The following GRM7 variants were observed in gnomAD, a reference collection of about 807,000 sequenced individuals.
GRM7 encodes glutamate metabotropic receptor 7, also known as metabotropic glutamate receptor 7.
A neutral mutation model predicts 84.5 loss-of-function variants in GRM7; 35 were observed. The observed-to-expected ratio is 0.41, with a 90% CI of 0.32 to 0.55. The LOEUF (loss-of-function observed/expected upper bound fraction) is 0.55. Among genes scored for constraint, GRM7 ranks in the 20% least tolerant of loss-of-function variants. GRM7 has a pLI of 0.19. For synonymous variants in GRM7, 487 were observed against 455.1 expected (o/e 1.07, Z -0.89); for missense variants, 1,003 against 1,194.6 (o/e 0.84, Z 2.36).
At position 7,459,904 on chromosome 3, in the gene GRM7, T is replaced by G. The variant is rs1256958179; in HGVS notation, c.1376-1679T>G. Among the ~76,000 whole-genome samples the G allele has an allele frequency of 2.0e-5, 3 of 151,854 alleles. No individual in the cohort carries two copies. In the East Asian group the frequency reaches 5.8e-4, roughly 29 times the overall value. ...CCAGGAGCAGAGTAAGCCACTCAAGTGGTTCAGGTTATACAGCCTTGTTTG... is the reference window on the plus strand; with the variant it reads ...CCAGGAGCAGAGTAAGCCACTCAAGGGGTTCAGGTTATACAGCCTTGTTTG... On this transcript the variant is annotated intron_variant, in intron 6 of 9. Transcript: ENST00000357716.
intron 1 of GRM7, among the ~76,000 whole-genome samples, chr3:6,971,656 T>A (rs1348830994): frequency 6.6e-6 from 1 of 152,332 alleles, no homozygotes; most frequent in East Asian, 1.9e-4. Flanking sequence ...GAATATCAAC[T>A]ACTATTCAGG....
At chr3:7,361,191 GC>G (rs1450626593) in intron 4 of GRM7, among the ~76,000 whole-genome samples, 2 of 152,034 alleles carry the variant, frequency 1.3e-5, no homozygotes, top group Non-Finnish European at 2.9e-5. Context: ...ATTCCAAAAA[GC>G]CATGTTAGAT....
chr3:7,103,614 C>T (rs1020886635), intron 1 of GRM7, among the ~76,000 whole-genome samples: 7 of 151,692 alleles, frequency 4.6e-5, no homozygotes, highest in East Asian at 1.9e-4. Flanking sequence ...TGTCTAACAG[C>T]TTCTTATATT....
chr3:7,262,099 CT>C (rs113620985), intron 2 of GRM7, among the ~76,000 whole-genome samples: 167 of 143,396 alleles, frequency 1.2e-3, no homozygotes, highest in Middle Eastern at 3.8e-3. Flanking sequence ...TTGCCTTTGA[CT>C]TTTTTTTTTT....
intron 4 of GRM7, among the ~76,000 whole-genome samples, chr3:7,347,102 C>T (rs1361975401): frequency 6.6e-6 from 1 of 152,106 alleles, no homozygotes; most frequent in Admixed American, 6.6e-5. Context: ...GCTTCTCCAA[C>T]TTTTCAATCA....
At chr3:7,297,295 G>A (rs1056405717) in intron 2 of GRM7, among the ~76,000 whole-genome samples, 60 of 152,124 alleles carry the variant, frequency 3.9e-4, no homozygotes, top group African/African-American at 1.4e-3. Context: ...CAAGTGTTTG[G>A]AGATATTTTT....
intron 1 of GRM7, among the ~76,000 whole-genome samples, chr3:7,145,700 A>T (rs528642940): frequency 6.6e-6 from 1 of 152,238 alleles, no homozygotes; most frequent in East Asian, 1.9e-4. Context: ...CATTTGGTGA[A>T]TGCCATGTGG....
rs140962280 is a variant in GRM7, at chr3:7,264,199, C to T, written c.737-34485C>T. Among the ~76,000 whole-genome samples, 170 of 152,226 alleles carry T rather than the reference C, an allele frequency of 1.1e-3. 4 individuals carry two copies. The East Asian group carries it at 0.03, about 27-fold the overall frequency. On this transcript the variant is annotated intron_variant, in intron 2 of 9. Transcript: ENST00000357716. ...AGGGGTGTTCAGGCCAGACTGGTCC[C>T]GTCTCATGGGCAAGACCGCCCTGCA...
intron 1 of GRM7, among the ~76,000 whole-genome samples, chr3:6,978,542 C>T (rs1694082484): frequency 6.6e-6 from 1 of 152,050 alleles, no homozygotes; most frequent in South Asian, 2.1e-4. Context: ...CCATTATTTT[C>T]CAAAATAATT....
chr3:7,248,626 A>G (rs1697863276), intron 2 of GRM7, among the ~76,000 whole-genome samples: 1 of 152,128 alleles, frequency 6.6e-6, no homozygotes, highest in South Asian at 2.1e-4. Context: ...GATTGTTGAG[A>G]TTGAAGTTAA....
chr3:7,108,155 A>G (rs1692718162), intron 1 of GRM7, among the ~76,000 whole-genome samples: 1 of 152,072 alleles, frequency 6.6e-6, no homozygotes, highest in Non-Finnish European at 1.5e-5. Context: ...TTCATAAGTA[A>G]GTGCTGCACG....
intron 1 of GRM7, among the ~76,000 whole-genome samples, chr3:7,100,235 T>G (rs895614296): frequency 6.6e-6 from 1 of 151,602 alleles, no homozygotes; most frequent in South Asian, 2.1e-4. Context: ...TTTAAATGAC[T>G]GTTGAAATGT....
At chr3:7,012,592 T>A (rs1695413236) in intron 1 of GRM7, among the ~76,000 whole-genome samples, 1 of 151,654 alleles carries the variant, frequency 6.6e-6, no homozygotes, top group East Asian at 1.9e-4. Flanking sequence ...CCAGGAAGAT[T>A]TTTCTGACCT....
At chr3:6,961,545 A>C (rs1239747266) in intron 1 of GRM7, among the ~76,000 whole-genome samples, 2 of 151,882 alleles carry the variant, frequency 1.3e-5, no homozygotes, top group African/African-American at 4.8e-5. Context: ...CAGAAATTCT[A>C]CTCCACACCC....
intron 9 of GRM7, among the ~76,000 whole-genome samples, chr3:7,687,929 A>G (rs926258346): frequency 6.6e-6 from 1 of 152,100 alleles, no homozygotes; most frequent in African/African-American, 2.4e-5. Flanking sequence ...TATCAACATG[A>G]TCTGTCCTAG....
intron 1 of GRM7, among the ~76,000 whole-genome samples, chr3:6,876,599 A>AT (rs34723690): frequency 0.68 from 83,966 of 123,854 alleles, 29,235 homozygotes; most frequent in East Asian, 0.86. Context: ...TTTACCACTA[A>AT]TTTTTTTTTT....
intron 8 of GRM7, among the ~76,000 whole-genome samples, chr3:7,596,820 G>A (rs149946341): frequency 1.8e-4 from 27 of 152,188 alleles, no homozygotes; most frequent in Non-Finnish European, 4.4e-5. Context: ...TCATGATTTC[G>A]TAAAGCCCAT....
intron 8 of GRM7, among the ~76,000 whole-genome samples, chr3:7,616,575 T>C (rs535191889): frequency 1.3e-5 from 2 of 152,320 alleles, no homozygotes; most frequent in African/African-American, 4.8e-5. Context: ...CCTCAAGTGT[T>C]TGTTCATTCA....
chr3:7,456,421 A>G (rs574833141), intron 6 of GRM7, among the ~76,000 whole-genome samples: 87 of 149,734 alleles, frequency 5.8e-4, no homozygotes, highest in African/African-American at 2.0e-3. Flanking sequence ...TTAAAACCTC[A>G]TAATGGTTTA....
Sources: allele counts gnomAD v4.1 joint callset (sites outside exome capture counted in the v4.1 genomes callset), GRCh38; gene constraint gnomAD v4.1.1; transcripts MANE v1.5; gene names NCBI Gene and HGNC (gene_info 2026-07-23, HGNC 2026-07-21).